Variants in SPAG16 observed in about 807,000 individuals in gnomAD.
SPAG16 encodes sperm-associated antigen 16 protein.
A neutral mutation model predicts 80.4 loss-of-function variants in SPAG16; 86 were observed. The observed-to-expected ratio is 1.07, with a 90% CI of 0.90 to 1.28. The LOEUF is 1.28. SPAG16 is among the 50% of genes most tolerant of loss of function. The pLI is 0.00. For missense variants in SPAG16, 870 were observed against 765.3 expected, an observed-to-expected ratio of 1.14 and a Z score of -1.61; for synonymous variants, 294 against 265.9, an observed-to-expected ratio of 1.11 and a Z score of -1.03.
intron 10 of SPAG16, among the ~76,000 whole-genome samples, chr2:213,859,150 G>C (rs377596745): frequency 1.9e-5 from 2 of 107,278 alleles, no homozygotes; most frequent in East Asian, 6.5e-4. Flanking sequence ...CTGCTCTCCA[G>C]TCTGGGCAAC....
intron 10 of SPAG16, among the ~76,000 whole-genome samples, chr2:213,605,559 G>A (rs1025489859): frequency 7.9e-5 from 12 of 152,072 alleles, no homozygotes; most frequent in African/African-American, 2.4e-4. Context: ...GCCCGGTCTC[G>A]GCTCACTGCA....
intron 12 of SPAG16, among the ~76,000 whole-genome samples, chr2:213,939,549 C>T (rs2079116350): frequency 6.6e-6 from 1 of 152,082 alleles, no homozygotes; most frequent in Admixed American, 6.5e-5. Context: ...AAAAATGGTG[C>T]CAAGCCTTCT....
intron 10 of SPAG16, among the ~76,000 whole-genome samples, chr2:213,823,054 T>G (rs1190211025): frequency 6.6e-6 from 1 of 152,230 alleles, no homozygotes; most frequent in Non-Finnish European, 1.5e-5. Context: ...ATGTGTCTTA[T>G]AGTAGAATGA....
At chr2:214,237,345 A>G (rs1300951851) in intron 15 of SPAG16, among the ~76,000 whole-genome samples, 1 of 152,084 alleles carries the variant, frequency 6.6e-6, no homozygotes, top group East Asian at 1.9e-4. Context: ...ACAGATCTTA[A>G]TTCATTAATT....
chr2:213,892,625 A>T (rs1235017190), intron 11 of SPAG16, among the ~76,000 whole-genome samples: 1 of 152,180 alleles, frequency 6.6e-6, no homozygotes, highest in Non-Finnish European at 1.5e-5. Flanking sequence ...ATAATTAAAA[A>T]TCACACAGAA....
chr2:214,158,799 T>C (rs1026578800), intron 15 of SPAG16, among the ~76,000 whole-genome samples: 1 of 151,986 alleles, frequency 6.6e-6, no homozygotes. Context: ...TGGAAATATT[T>C]TCCTACTTAA....
chr2:214,267,997 T>G (rs963045607), intron 15 of SPAG16, among the ~76,000 whole-genome samples: 2 of 151,738 alleles, frequency 1.3e-5, no homozygotes, highest in Non-Finnish European at 3.0e-5. Flanking sequence ...AATAACCCCA[T>G]TAAAAAGTGA....
At chr2:213,602,766 A>G (rs902604365) in intron 10 of SPAG16, among the ~76,000 whole-genome samples, 1 of 152,218 alleles carries the variant, frequency 6.6e-6, no homozygotes, top group African/African-American at 2.4e-5. Context: ...ATTTTTCTCA[A>G]ATGATTACCA....
At chr2:213,553,092 G>A (rs948076241) in intron 10 of SPAG16, among the ~76,000 whole-genome samples, 4 of 152,102 alleles carry the variant, frequency 2.6e-5, no homozygotes, top group East Asian at 1.9e-4. Context: ...CCTTGTGATC[G>A]TGTGAGTCAA....
intron 10 of SPAG16, among the ~76,000 whole-genome samples, chr2:213,535,244 A>C (rs1312785004): frequency 6.6e-6 from 1 of 152,156 alleles, no homozygotes; most frequent in Non-Finnish European, 1.5e-5. Context: ...AAATGAGTAC[A>C]AAAACATCAA....
chr2:213,686,674 CTTTTTTTTTTTTTTT>C (rs748200040), intron 10 of SPAG16, among the ~76,000 whole-genome samples: 1 of 86,104 alleles, frequency 1.2e-5, no homozygotes, highest in African/African-American at 4.0e-5. Context: ...ATTAATCCAC[CTTTTTTTTTTTTTTT>C]TTTTTTTTTT....
chr2:213,357,036 A>G (rs1019345028), intron 7 of SPAG16, among the ~76,000 whole-genome samples: 1 of 152,066 alleles, frequency 6.6e-6, no homozygotes, highest in Non-Finnish European at 1.5e-5. Flanking sequence ...CAGGTTCTTC[A>G]GTTTCCATGT....
intron 1 of SPAG16, among the ~76,000 whole-genome samples, chr2:213,288,062 T>TACCC (rs1343584923): frequency 4.6e-5 from 7 of 152,052 alleles, no homozygotes; most frequent in Admixed American, 1.3e-4. Flanking sequence ...TGCGGCACCA[T>TACCC]ACCCAGCTAA....
At chr2:214,333,475 C>T (rs942220579) in intron 15 of SPAG16, among the ~76,000 whole-genome samples, 9 of 152,210 alleles carry the variant, frequency 5.9e-5, no homozygotes, top group African/African-American at 2.2e-4. Context: ...ATTCGATCAT[C>T]CTCCTTGCTT....
At chr2:214,268,207 C>T (rs1691727158) in intron 15 of SPAG16, among the ~76,000 whole-genome samples, 1 of 151,820 alleles carries the variant, frequency 6.6e-6, no homozygotes, top group Non-Finnish European at 1.5e-5. Context: ...AACCCTCATA[C>T]ACTGTAGGTG....
At chr2:214,072,601 T>C (rs988844660) in intron 13 of SPAG16, among the ~76,000 whole-genome samples, 2 of 152,144 alleles carry the variant, frequency 1.3e-5, no homozygotes, top group African/African-American at 2.4e-5. Flanking sequence ...ATAGATTTAA[T>C]AATATGAGTT....
At chr2:213,499,522 A>G (rs1310604803) in intron 10 of SPAG16, among the ~76,000 whole-genome samples, 2 of 152,160 alleles carry the variant, frequency 1.3e-5, no homozygotes, top group African/African-American at 2.4e-5. Flanking sequence ...TTCTATAGCC[A>G]GGTTTTTCAA....
intron 8 of SPAG16, among the ~76,000 whole-genome samples, chr2:213,367,958 T>A (rs1188764055): frequency 6.9e-6 from 1 of 145,954 alleles, no homozygotes; most frequent in Non-Finnish European, 1.5e-5. Flanking sequence ...TTGAATTAAT[T>A]TTTGTATAAG....
intron 9 of SPAG16, among the ~76,000 whole-genome samples, chr2:213,460,287 C>G (rs1352989964): frequency 6.6e-6 from 1 of 152,102 alleles, no homozygotes; most frequent in Admixed American, 6.6e-5. Flanking sequence ...CCATCTTCTC[C>G]AAATATAATA....
Sources: gnomAD v4.1 joint callset for allele counts (sites outside exome capture counted in the v4.1 genomes callset) on GRCh38, gnomAD v4.1.1 for gene constraint, MANE v1.5 for transcripts, NCBI Gene and HGNC (gene_info 2026-07-23, HGNC 2026-07-21) for gene names.